Variants in ZSWIM5 observed in about 807,000 individuals in gnomAD.
ZSWIM5 encodes the protein zinc finger SWIM-type containing 5.
ZSWIM5 carries 55 observed loss-of-function variants against 119.6 expected under a neutral mutation model. That is an observed-to-expected ratio of 0.46 (90% confidence interval 0.37 to 0.58). The LOEUF (loss-of-function observed/expected upper bound fraction) is 0.58, where lower values mean the gene tolerates loss of function less well. Among genes scored for constraint, ZSWIM5 ranks in the 20% least tolerant of loss-of-function variants. The probability of loss-of-function intolerance (pLI) is 0.00; values close to 1 mark genes in which losing one functional copy is unlikely to be tolerated. For synonymous variants in ZSWIM5, 537 were observed against 606.9 expected (o/e 0.88, Z 1.69); for missense variants, 1,193 against 1,512.8 (o/e 0.79, Z 3.51).
At chr1:45,066,169 A>G (rs1467986263) in intron 2 of ZSWIM5, among the ~76,000 whole-genome samples, 2 of 151,512 alleles carry the variant, frequency 1.3e-5, no homozygotes, top group Non-Finnish European at 1.5e-5. Context: ...AGTTTCATCC[A>G]TGTCCCTACA....
chr1:45,104,442 A>G (rs1217964955), intron 1 of ZSWIM5, among the ~76,000 whole-genome samples: 2 of 152,228 alleles, frequency 1.3e-5, no homozygotes, highest in East Asian at 3.8e-4. Flanking sequence ...TAGACATAAT[A>G]CTACTTAGCT....
chr1:45,202,982 ACATT>A (rs556579947), intron 1 of ZSWIM5, among the ~76,000 whole-genome samples: 261 of 152,130 alleles, frequency 1.7e-3, no homozygotes, highest in African/African-American at 6.0e-3. Context: ...GATGCTGAAA[ACATT>A]CATATGTTTT....
chr1:45,098,567 C>T (rs1026928161), intron 1 of ZSWIM5, among the ~76,000 whole-genome samples: 6 of 152,186 alleles, frequency 3.9e-5, no homozygotes, highest in African/African-American at 7.2e-5. Flanking sequence ...ATCTACAGAA[C>T]TCTCCACCCC....
intron 1 of ZSWIM5, among the ~76,000 whole-genome samples, chr1:45,132,070 A>G (rs562384029): frequency 6.7e-6 from 1 of 149,516 alleles, no homozygotes; most frequent in African/African-American, 2.4e-5. Flanking sequence ...ATAATAAATT[A>G]TATAATAATA....
intron 1 of ZSWIM5, among the ~76,000 whole-genome samples, chr1:45,183,973 G>A (rs1557792184): frequency 6.6e-6 from 1 of 152,124 alleles, no homozygotes; most frequent in Non-Finnish European, 1.5e-5. Context: ...CAATATCCTT[G>A]ATGAACATTG....
At chr1:45,171,303 T>C (rs1645944805) in intron 1 of ZSWIM5, among the ~76,000 whole-genome samples, 1 of 152,116 alleles carries the variant, frequency 6.6e-6, no homozygotes, top group Non-Finnish European at 1.5e-5. Flanking sequence ...TCCTCTGTTG[T>C]CTTTTCAAAA....
In ZSWIM5 at chr1:45,018,162, G is replaced by C; in HGVS notation, c.*292C>G. On this transcript the variant is annotated 3_prime_UTR_variant, in exon 14 of 14. Coordinates refer to ENST00000359600, the MANE Select transcript of ZSWIM5 (RefSeq NM_020883.2). The surrounding 1 kb of genome is among the most constrained non-coding windows in gnomAD (Gnocchi z 6.7). ...GTTCTGTGTTTGCCAAGGGAGACAG[G>C]GCCAATGCTCAGGACACGCAGGATA... The C allele has an allele frequency of 4.5e-6, 2 of 446,092 alleles. No homozygotes were observed. Among genetic ancestry groups the C allele is most frequent in the Admixed American group, 3.8e-5 (1 of 26,258 alleles). 27.6% of individuals were successfully genotyped at this position (446,092 alleles called of 1,614,324 possible). A position where few individuals can be genotyped will look rare whatever the true frequency, so the allele number is the denominator to read the frequency against.
intron 1 of ZSWIM5, among the ~76,000 whole-genome samples, chr1:45,153,134 G>A (rs974588891): frequency 6.6e-5 from 10 of 150,604 alleles, no homozygotes; most frequent in Non-Finnish European, 1.5e-4. Context: ...ACAGATGCTG[G>A]TGAGACTGCA....
chr1:45,062,365 G>A (rs1012180032), intron 2 of ZSWIM5, among the ~76,000 whole-genome samples: 2 of 152,144 alleles, frequency 1.3e-5, no homozygotes, highest in South Asian at 4.1e-4. Flanking sequence ...CTTTTTTGTA[G>A]TATATCTTAT....
intron 4 of ZSWIM5, 129 bp downstream of exon 4, chr1:45,058,480 A>G (rs536733435): frequency 9.9e-5 from 118 of 1,189,250 alleles, no homozygotes; most frequent in Non-Finnish European, 1.4e-4. Context: ...TGGCCTCTGT[A>G]GAACCTAAGT....
chr1:45,035,822 T>C lies in ZSWIM5; in HGVS notation c.2157A>G (p.Gly719=). 6.2e-7 allele frequency: 1 copy of C among 1,612,776 alleles called. No homozygotes were observed. Residue 719 remains glycine (G), a splice_region_variant and synonymous_variant, in exon 10 of 14, where the codon GGA becomes GGG. Coordinates refer to ENST00000359600, the MANE Select transcript of ZSWIM5 (RefSeq NM_020883.2). ...CTTCTCCCAGACCGCTGAAAGGACC[T>C]CCTGGAGGAAGATAAGCCAGCCAGT... ...LQKQCILLLE[G]GPFSGLGEVI...
At chr1:45,154,129 T>A (rs1645813409) in intron 1 of ZSWIM5, among the ~76,000 whole-genome samples, 1 of 152,102 alleles carries the variant, frequency 6.6e-6, no homozygotes, top group Non-Finnish European at 1.5e-5. Flanking sequence ...ACATCCCATG[T>A]TCATGGATGG....
At chr1:45,159,594 C>T (rs1480236856) in intron 1 of ZSWIM5, among the ~76,000 whole-genome samples, 1 of 151,856 alleles carries the variant, frequency 6.6e-6, no homozygotes, top group Non-Finnish European at 1.5e-5. Context: ...GATTATGATT[C>T]AATTTTTTTT....
At chr1:45,158,366 G>A (rs1645843781) in intron 1 of ZSWIM5, among the ~76,000 whole-genome samples, 1 of 151,888 alleles carries the variant, frequency 6.6e-6, no homozygotes, top group Non-Finnish European at 1.5e-5. Context: ...GCAGGGTTTT[G>A]CCACGTTGCC....
intron 1 of ZSWIM5, among the ~76,000 whole-genome samples, chr1:45,158,488 AAAT>A (rs1239316073): frequency 6.6e-6 from 1 of 152,174 alleles, no homozygotes; most frequent in Non-Finnish European, 1.5e-5. Context: ...TATAGATTTT[AAAT>A]AATGTTACAG....
intron 1 of ZSWIM5, among the ~76,000 whole-genome samples, chr1:45,146,999 C>T (rs1003353575): frequency 6.6e-6 from 1 of 152,022 alleles, no homozygotes; most frequent in Non-Finnish European, 1.5e-5. Context: ...GGTTTCCCCA[C>T]GTCCCAATGG....
intron 1 of ZSWIM5, among the ~76,000 whole-genome samples, chr1:45,145,545 G>A (rs1343172335): frequency 6.6e-6 from 1 of 151,982 alleles, no homozygotes; most frequent in Admixed American, 6.6e-5. Flanking sequence ...CCATTATGCT[G>A]AGTAAAAAAA....
intron 1 of ZSWIM5, among the ~76,000 whole-genome samples, chr1:45,154,865 A>G (rs574430698): frequency 6.9e-4 from 93 of 133,824 alleles, no homozygotes; most frequent in African/African-American, 2.6e-3. Context: ...CTGAGTGACA[A>G]GAGTGAAACT....
chr1:45,078,999 G>A (rs1027363165), intron 2 of ZSWIM5, among the ~76,000 whole-genome samples: 3 of 152,172 alleles, frequency 2.0e-5, no homozygotes, highest in Non-Finnish European at 4.4e-5. Flanking sequence ...CACAAAAGAA[G>A]TGAAAATGGC....
Sources: gnomAD v4.1 joint callset for allele counts (sites outside exome capture counted in the v4.1 genomes callset) on GRCh38, gnomAD v4.1.1 for gene constraint, Gnocchi (gnomAD v3.1) non-coding constraint, MANE v1.5 for transcripts, NCBI Gene and HGNC (gene_info 2026-07-23, HGNC 2026-07-21) for gene names.